Variants in CABCOCO1 observed in about 807,000 individuals in gnomAD.
The protein encoded by CABCOCO1 is ciliary associated calcium binding coiled-coil 1.
In CABCOCO1, 28 loss-of-function variants were observed where a neutral mutation model predicts 35.7. The ratio of observed to expected loss-of-function variants is 0.78; its 90% CI spans 0.58 to 1.07. The LOEUF is 1.07. Ranked by LOEUF, CABCOCO1 falls within the 50% of genes least tolerant of loss-of-function variation. The pLI, the probability that CABCOCO1 is intolerant of heterozygous loss-of-function variation, is 0.00. For synonymous variants in CABCOCO1, 95 were observed against 100.1 expected, an observed-to-expected ratio of 0.95 and a Z score of 0.30; for missense variants, 326 against 309.2, an observed-to-expected ratio of 1.05 and a Z score of -0.41.
Position 61,740,416 on chromosome 10 carries a change from A to C in CABCOCO1, c.553-19643A>C, listed in dbSNP as rs574475792. ...AACCAGGTTTGAAATGTATGGAGCT[A>C]GCAGCAAGCCTACGGGATATTCATC... On this transcript the variant is annotated intron_variant, in intron 5 of 7. Coordinates refer to ENST00000648843, the MANE Select transcript of CABCOCO1 (RefSeq NM_001366906.2). 4.6e-5 allele frequency among the ~76,000 whole-genome samples: 7 copies of C among 152,366 alleles called. No homozygotes were observed. The South Asian group carries it at 1.5e-3, about 32-fold the overall frequency.
At chr10:61,719,701 C>T (rs1840951766) in intron 5 of CABCOCO1, among the ~76,000 whole-genome samples, 1 of 152,024 alleles carries the variant, frequency 6.6e-6, no homozygotes, top group Admixed American at 6.6e-5. Flanking sequence ...AGGTGGATCA[C>T]CCGAGGTCAG....
At chr10:61,670,419 G>A (rs1276463204) in intron 1 of CABCOCO1, among the ~76,000 whole-genome samples, 2 of 151,392 alleles carry the variant, frequency 1.3e-5, no homozygotes, top group Non-Finnish European at 2.9e-5. Context: ...TTGGCCCACC[G>A]TAGCTTACAA....
intron 4 of CABCOCO1, among the ~76,000 whole-genome samples, chr10:61,687,672 ATTAAG>A (rs1159070963): frequency 2.6e-5 from 4 of 152,174 alleles, no homozygotes; most frequent in African/African-American, 7.2e-5. Context: ...TCAGAAAACA[ATTAAG>A]TTAAGAGGGG....
At chr10:61,681,569 C>T (rs1399505035) in intron 3 of CABCOCO1, among the ~76,000 whole-genome samples, 9 of 152,028 alleles carry the variant, frequency 5.9e-5, no homozygotes, top group Non-Finnish European at 1.3e-4. Flanking sequence ...TCAGTGGCAT[C>T]CACCCTCTAA....
Position 61,766,090 on chromosome 10 carries a change from C to A in CABCOCO1, c.*77C>A. On this transcript the variant is annotated 3_prime_UTR_variant, in exon 8 of 8. Transcript: ENST00000648843. ...AGCCAGAATAACAGACTCTCTGGAGCGTCGTGTCTCCATCACTTAGTTGTG... is the reference window on the plus strand; with the variant it reads ...AGCCAGAATAACAGACTCTCTGGAGAGTCGTGTCTCCATCACTTAGTTGTG... The A allele has an allele frequency of 7.8e-7, 1 of 1,279,654 alleles. No individual in the cohort carries two copies. The highest frequency in any genetic ancestry group is 1.1e-6 in the Non-Finnish European group (1 of 906,082). The allele number at this position is 1,279,654 out of a possible 1,614,324, so 79.3% of individuals were successfully genotyped here. A position where few individuals can be genotyped will look rare whatever the true frequency, so the allele number is the denominator to read the frequency against.
intron 1 of CABCOCO1, among the ~76,000 whole-genome samples, chr10:61,671,368 C>G (rs1465392168): frequency 6.6e-6 from 1 of 151,664 alleles, no homozygotes; most frequent in Non-Finnish European, 1.5e-5. Context: ...GCAGGTTGTG[C>G]TCTGAGCAAA....
At chr10:61,698,621 C>T (rs1840356465) in intron 5 of CABCOCO1, among the ~76,000 whole-genome samples, 3 of 152,100 alleles carry the variant, frequency 2.0e-5, no homozygotes, top group African/African-American at 7.2e-5. Flanking sequence ...TATATAATTT[C>T]ATGTTCTGAG....
chr10:61,663,153 C>T (rs1839057925), intron 1 of CABCOCO1, 121 bp downstream of exon 1: 1 of 204,390 alleles, frequency 4.9e-6, no homozygotes, highest in African/African-American at 2.4e-5. Context: ...CGCCGCACGT[C>T]TGGCCCCGGC....
intron 2 of CABCOCO1, among the ~76,000 whole-genome samples, chr10:61,680,718 A>T (rs1438026578): frequency 9.6e-6 from 1 of 103,728 alleles, no homozygotes; most frequent in African/African-American, 4.0e-5. Flanking sequence ...CATGTATAAC[A>T]TATATATTAT....
At chr10:61,763,966 A>T (rs1019356370) in intron 7 of CABCOCO1, among the ~76,000 whole-genome samples, 4 of 152,022 alleles carry the variant, frequency 2.6e-5, no homozygotes, top group Non-Finnish European at 4.4e-5. Context: ...ACTAAGCCTA[A>T]GGTCTGGAGA....
chr10:61,700,120 T>TTATATATATA (rs1840410622), intron 5 of CABCOCO1, among the ~76,000 whole-genome samples: 1 of 152,038 alleles, frequency 6.6e-6, no homozygotes, highest in African/African-American at 2.4e-5. Flanking sequence ...ATGTTTTCTG[T>TTATATATATA]TATAGAGAAA....
chr10:61,727,573 A>G (rs1229755264), intron 5 of CABCOCO1, among the ~76,000 whole-genome samples: 2 of 152,206 alleles, frequency 1.3e-5, no homozygotes, highest in African/African-American at 4.8e-5. Context: ...TTCAAATAGC[A>G]GAAACTTGGT....
intron 1 of CABCOCO1, among the ~76,000 whole-genome samples, chr10:61,665,007 C>A (rs1839122664): frequency 6.6e-6 from 1 of 152,138 alleles, no homozygotes; most frequent in Non-Finnish European, 1.5e-5. Context: ...AATGACTTAG[C>A]CAGTAGCCCA....
intron 1 of CABCOCO1, among the ~76,000 whole-genome samples, chr10:61,671,778 A>G (rs767410450): frequency 3.9e-5 from 6 of 152,060 alleles, no homozygotes; most frequent in Non-Finnish European, 7.4e-5. Context: ...CCCTTCCTTA[A>G]AGCACAGTTT....
At chr10:61,765,578 A>G (rs924094176) in intron 7 of CABCOCO1, among the ~76,000 whole-genome samples, 4 of 152,208 alleles carry the variant, frequency 2.6e-5, no homozygotes, top group Admixed American at 6.5e-5. Flanking sequence ...TGGTGGAGGG[A>G]CCCACAGCAC....
At chr10:61,727,599 G>A (rs1841189125) in intron 5 of CABCOCO1, among the ~76,000 whole-genome samples, 1 of 152,188 alleles carries the variant, frequency 6.6e-6, no homozygotes, top group South Asian at 2.1e-4. Context: ...AAAAAGCAAA[G>A]ATTTTTGCAT....
intron 5 of CABCOCO1, among the ~76,000 whole-genome samples, chr10:61,692,927 A>G (rs1250581227): frequency 1.3e-5 from 2 of 152,178 alleles, no homozygotes; most frequent in East Asian, 1.9e-4. Flanking sequence ...AAACTTTGGG[A>G]AAATGATAGT....
intron 5 of CABCOCO1, among the ~76,000 whole-genome samples, chr10:61,713,850 G>C (rs1488775492): frequency 6.7e-6 from 1 of 150,212 alleles, no homozygotes; most frequent in African/African-American, 2.5e-5. Flanking sequence ...TTGCATCCCA[G>C]GGATGAAGCC....
At chr10:61,744,488 A>G (rs1295958364) in intron 5 of CABCOCO1, among the ~76,000 whole-genome samples, 1 of 152,164 alleles carries the variant, frequency 6.6e-6, no homozygotes, top group African/African-American at 2.4e-5. Flanking sequence ...ATGAACAAAC[A>G]TAGCATCATT....
Sources: gnomAD v4.1 joint callset for allele counts (sites outside exome capture counted in the v4.1 genomes callset) on GRCh38, gnomAD v4.1.1 for gene constraint, MANE v1.5 for transcripts, NCBI Gene and HGNC (gene_info 2026-07-23, HGNC 2026-07-21) for gene names.